IPO8: variants seen among roughly 807,000 people sequenced by gnomAD.
The protein encoded by IPO8 is importin 8.
In IPO8, 65 loss-of-function variants were observed where a neutral mutation model predicts 141.2. That is an observed-to-expected ratio of 0.46 (90% CI 0.38 to 0.57). The LOEUF (loss-of-function observed/expected upper bound fraction) is 0.57, where lower values mean the gene tolerates loss of function less well. Ranked by LOEUF, IPO8 falls within the 20% of genes least tolerant of loss-of-function variation. The pLI, the probability that IPO8 is intolerant of heterozygous loss-of-function variation, is 0.00. For synonymous variants in IPO8, 411 were observed against 420.3 expected (o/e 0.98, Z 0.27); for missense variants, 980 against 1,246.8 (o/e 0.79, Z 3.22).
chr12:30,638,947 A>T (rs966907178), intron 21 of IPO8, among the ~76,000 whole-genome samples: 8 of 152,274 alleles, frequency 5.3e-5, no homozygotes, highest in Admixed American at 4.6e-4. Flanking sequence ...CTGGGATTAC[A>T]GATGGGAGCC....
At chr12:30,662,229 A>T in intron 15 of IPO8, 98 bp downstream of exon 15, 1 of 905,042 alleles carries the variant, frequency 1.1e-6, no homozygotes, top group Non-Finnish European at 1.7e-6. Flanking sequence ...GTTAAGCAGC[A>T]CATGACTGTA....
Position 30,630,878 on chromosome 12 carries a change from A to G in IPO8, c.3096T>C (p.Thr1032=). 6.2e-7 allele frequency: 1 copy of G among 1,613,304 alleles called. No homozygotes were observed. The highest frequency in any genetic ancestry group is 8.5e-7 in the Non-Finnish European group (1 of 1,179,522). The change falls in exon 25 of 25, where the codon ACT becomes ACC. Residue 1032 remains threonine (T), a synonymous_variant. Coordinates refer to ENST00000256079, the MANE Select transcript of IPO8 (RefSeq NM_006390.4). ...CTTTCCTTCAGTTGTTGCTGGGCAC[A>G]GTCCCAAAATTAAATGCGGAGAGGA... ...KGVLSAFNFG[T]VPSNN
At chr12:30,685,584 C>G (rs2053233358) in intron 2 of IPO8, among the ~76,000 whole-genome samples, 1 of 151,800 alleles carries the variant, frequency 6.6e-6, no homozygotes, top group Non-Finnish European at 1.5e-5. Context: ...CCTTAAGCTT[C>G]TCTTCTTTCC....
intron 19 of IPO8, among the ~76,000 whole-genome samples, chr12:30,650,592 C>G (rs955004746): frequency 6.6e-6 from 1 of 152,090 alleles, no homozygotes; most frequent in Admixed American, 6.6e-5. Context: ...AGAAACGTTA[C>G]TTAACCTCTT....
chr12:30,669,545 T>A (rs2053018925), intron 9 of IPO8, among the ~76,000 whole-genome samples: 1 of 152,124 alleles, frequency 6.6e-6, no homozygotes, highest in African/African-American at 2.4e-5. Context: ...TAATCCTACC[T>A]CTTTGGAAGC....
chr12:30,634,483 C>T (rs2052475739), intron 22 of IPO8, among the ~76,000 whole-genome samples, 197 bp from the exon 23 acceptor site: 1 of 151,956 alleles, frequency 6.6e-6, no homozygotes, highest in South Asian at 2.1e-4. Context: ...AATAAATAAA[C>T]CTTATCTTTA....
chr12:30,643,747 T>C (rs1565494998), intron 20 of IPO8, among the ~76,000 whole-genome samples: 1 of 152,240 alleles, frequency 6.6e-6, no homozygotes, highest in Non-Finnish European at 1.5e-5. Context: ...CCCCTTCGCA[T>C]ACATCCACTT....
At chr12:30,645,455 A>G (rs1357610722) in intron 20 of IPO8, among the ~76,000 whole-genome samples, 1 of 152,124 alleles carries the variant, frequency 6.6e-6, no homozygotes, top group Non-Finnish European at 1.5e-5. Context: ...CAAATCAATA[A>G]TCTAACCTGT....
In IPO8 at chr12:30,630,695, A is replaced by C; in HGVS notation, c.*165T>G. 3.4e-6 allele frequency: 2 copies of C among 580,638 alleles called. No homozygotes were observed. Among genetic ancestry groups the C allele is most frequent in the Non-Finnish European group, 6.1e-6 (2 of 326,974 alleles). 36.0% of individuals were successfully genotyped at this position (580,638 alleles called of 1,614,324 possible). On this transcript the variant is annotated 3_prime_UTR_variant, in exon 25 of 25. Coordinates refer to ENST00000256079, the MANE Select transcript of IPO8 (RefSeq NM_006390.4). ...TAAAATATATATTTCAGGGTGACAA[A>C]GGTCAAAGGGGAAAGAGTAGATAAA...
chr12:30,652,254 C>T lies in IPO8; in HGVS notation c.2110G>A (p.Asp704Asn). Residue 704 changes from aspartate to asparagine, a missense_variant, in exon 19 of 25, where the codon GAT (aspartate) becomes AAT (asparagine). This residue lies in a region of IPO8 where 924 missense variants were observed against 1,153.9 expected (regional missense o/e 0.80). Coordinates refer to ENST00000256079, the MANE Select transcript of IPO8 (RefSeq NM_006390.4). ...GCATTTGATAGTAAGGTATCTGTAT[C>T]TATTGTCACATAATTATGCAGGAGA... ...MPLLHNYVTI[D>N]TDTLLSNAKH... The T allele has an allele frequency of 6.2e-7, 1 of 1,604,890 alleles. No homozygotes were observed. The highest frequency in any genetic ancestry group is 8.5e-7 in the Non-Finnish European group (1 of 1,173,082).
chr12:30,677,219 C>A, intron 5 of IPO8: 1 of 537,606 alleles, frequency 1.9e-6, no homozygotes, highest in South Asian at 1.6e-5. Context: ...ATGTTTCGGT[C>A]AGTGACAGAC....
chr12:30,695,593 G>T lies in IPO8; in HGVS notation c.55C>A (p.Arg19=), dbSNP rs759535181. 2 of 1,614,056 alleles carry T rather than the reference G, an allele frequency of 1.2e-6. No individual in the cohort carries two copies. Among genetic ancestry groups the T allele is most frequent in the East Asian group, 2.2e-5 (1 of 44,844 alleles). The change falls in exon 1 of 25, where the codon CGG becomes AGG. Residue 19 remains arginine (R), a synonymous_variant. Coordinates refer to ENST00000256079, the MANE Select transcript of IPO8 (RefSeq NM_006390.4). The surrounding 1 kb of genome is among the most constrained non-coding windows in gnomAD (Gnocchi z 4.2). The part of the protein sequence containing the change: ...ALKGTIDPKL[R]IAAENELNQS... ...TTGAGCTCGTTCTCGGCTGCAATCC[G>T]CAACTTCGGGTCGATGGTGCCCTTC...
At chr12:30,662,612 C>T (rs1031574190) in intron 14 of IPO8, 125 bp from the exon 15 acceptor site, 1 of 721,528 alleles carries the variant, frequency 1.4e-6, no homozygotes, top group South Asian at 1.5e-5. Flanking sequence ...TACACACTTG[C>T]TCTGTGGTAA....
intron 20 of IPO8, among the ~76,000 whole-genome samples, chr12:30,640,217 C>A (rs756306729): frequency 1.3e-5 from 2 of 152,048 alleles, no homozygotes; most frequent in Admixed American, 6.5e-5. Flanking sequence ...GGAGCCTGAA[C>A]ATTAAAATAA....
intron 3 of IPO8, among the ~76,000 whole-genome samples, chr12:30,683,378 C>T (rs11832446): frequency 0.01 from 1,532 of 152,206 alleles, 25 homozygotes; most frequent in African/African-American, 0.034. Context: ...TTTTCCACTG[C>T]TTATGTCATG....
intron 5 of IPO8, among the ~76,000 whole-genome samples, chr12:30,678,472 G>A (rs1441939628): frequency 6.6e-6 from 1 of 152,128 alleles, no homozygotes; most frequent in African/African-American, 2.4e-5. Flanking sequence ...TGCAGCCAGG[G>A]AGCAACACAC....
At position 30,637,197 on chromosome 12, in the gene IPO8, T is replaced by A; in HGVS notation, c.2490-10A>T. On this transcript the variant is annotated splice_polypyrimidine_tract_variant and intron_variant, in intron 21 of 24. Coordinates refer to ENST00000256079, the MANE Select transcript of IPO8 (RefSeq NM_006390.4). ...CTTCCGGTCATGATGCCTGCAAATT[T>A]TGAAGAAAAAAAAAATGTAGACATG... 1 of 1,599,206 alleles carries A rather than the reference T, an allele frequency of 6.3e-7. No homozygotes were observed. The highest frequency in any genetic ancestry group is 1.7e-5 in the Admixed American group (1 of 57,398).
intron 16 of IPO8, among the ~76,000 whole-genome samples, chr12:30,658,485 C>T (rs1185821959): frequency 6.6e-6 from 1 of 152,074 alleles, no homozygotes; most frequent in Non-Finnish European, 1.5e-5. Flanking sequence ...TTCACCCATG[C>T]CTCTCTTGAT....
rs751416644 is a variant in IPO8, at chr12:30,661,213, G to A, written c.1809C>T (p.Asp603=). The change falls in exon 16 of 25, where the codon GAC becomes GAT. Residue 603 remains aspartate, a synonymous_variant. Transcript: ENST00000256079. ...LQSDEYEEVE[D]KTVMAMGILH... ...AAATTCCCATAGCCATTACTGTTTT[G>A]TCTTCAACTTCTTCATATTCATCAC... 1.9e-6 allele frequency: 3 copies of A among 1,596,976 alleles called. No homozygotes were observed. The highest frequency in any genetic ancestry group is 2.6e-6 in the Non-Finnish European group (3 of 1,171,776).
Sources: allele counts gnomAD v4.1 joint callset (sites outside exome capture counted in the v4.1 genomes callset), GRCh38; gene constraint gnomAD v4.1.1; regional missense constraint gnomAD v4.1.1; non-coding constraint Gnocchi (gnomAD v3.1); transcripts MANE v1.5; gene names NCBI Gene and HGNC (gene_info 2026-07-23, HGNC 2026-07-21).